Variants in DCC observed in about 807,000 individuals in gnomAD.
DCC encodes netrin receptor DCC.
In DCC, 58 loss-of-function variants were observed where a neutral mutation model predicts 172.5. The observed-to-expected ratio is 0.34, with a 90% CI of 0.27 to 0.42. The LOEUF (loss-of-function observed/expected upper bound fraction) is 0.42, where lower values mean the gene tolerates loss of function less well. DCC is among the 10% of genes least tolerant of loss of function. The pLI is 1.00. For synonymous variants in DCC, 709 were observed against 644.5 expected (o/e 1.10, Z -1.52); for missense variants, 1,740 against 1,791.0 (o/e 0.97, Z 0.51).
chr18:52,992,461 A>C (rs2041408778), intron 5 of DCC, among the ~76,000 whole-genome samples: 1 of 152,106 alleles, frequency 6.6e-6, no homozygotes, highest in South Asian at 2.1e-4. Flanking sequence ...TATTTGTATA[A>C]GTGACCTCTG....
At chr18:52,789,251 A>G (rs945520919) in intron 2 of DCC, among the ~76,000 whole-genome samples, 70 of 151,812 alleles carry the variant, frequency 4.6e-4, no homozygotes, top group African/African-American at 1.7e-3. Context: ...TTGTGAGAAA[A>G]ACAGGTTTTT....
chr18:53,028,720 A>G (rs996917905), intron 5 of DCC, among the ~76,000 whole-genome samples: 6 of 152,158 alleles, frequency 3.9e-5, no homozygotes, highest in African/African-American at 1.4e-4. Context: ...CCTCTACAAT[A>G]CTTCCACTGG....
chr18:52,440,370 A>AT (rs537736379), intron 1 of DCC, among the ~76,000 whole-genome samples: 102 of 152,020 alleles, frequency 6.7e-4, no homozygotes, highest in Non-Finnish European at 1.1e-3. Flanking sequence ...TCTTTTTATC[A>AT]TTTTTTCTTT....
chr18:53,314,782 C>T (rs1417331708), intron 13 of DCC, among the ~76,000 whole-genome samples: 5 of 152,026 alleles, frequency 3.3e-5, no homozygotes, highest in Non-Finnish European at 4.4e-5. Flanking sequence ...TTCAGAGTGA[C>T]CTGAGGCACT....
chr18:53,177,685 T>A (rs536968882), intron 8 of DCC, among the ~76,000 whole-genome samples: 2 of 152,258 alleles, frequency 1.3e-5, no homozygotes, highest in South Asian at 4.1e-4. Context: ...CCATGTGCAG[T>A]TTATTTTAGG....
intron 10 of DCC, among the ~76,000 whole-genome samples, chr18:53,205,856 T>G (rs538659717): frequency 6.6e-6 from 1 of 152,184 alleles, no homozygotes; most frequent in South Asian, 2.1e-4. Context: ...CCTAGTCTCC[T>G]TCTCCTTACA....
chr18:53,488,908 C>T (rs1439724492), intron 26 of DCC, among the ~76,000 whole-genome samples: 2 of 151,894 alleles, frequency 1.3e-5, no homozygotes, highest in African/African-American at 2.4e-5. Flanking sequence ...CCTGTATTCC[C>T]AGCATTTTGG....
intron 1 of DCC, among the ~76,000 whole-genome samples, chr18:52,411,496 G>A (rs750978569): frequency 7.9e-5 from 12 of 152,276 alleles, no homozygotes; most frequent in Non-Finnish European, 1.5e-4. Context: ...TTCTGTTAAT[G>A]AGAAAATTCT....
intron 7 of DCC, among the ~76,000 whole-genome samples, chr18:53,152,157 G>C (rs1358525800): frequency 6.6e-6 from 1 of 152,176 alleles, no homozygotes; most frequent in Non-Finnish European, 1.5e-5. Flanking sequence ...AGTTGATTTG[G>C]TGGCTACATT....
At chr18:53,120,191 T>A (rs1009871655) in intron 7 of DCC, among the ~76,000 whole-genome samples, 4 of 151,858 alleles carry the variant, frequency 2.6e-5, no homozygotes, top group African/African-American at 9.7e-5. Flanking sequence ...AATTAAAATA[T>A]ATTGTGTCTG....
At chr18:52,422,693 T>A (rs530030056) in intron 1 of DCC, among the ~76,000 whole-genome samples, 1 of 152,260 alleles carries the variant, frequency 6.6e-6, no homozygotes, top group Admixed American at 6.5e-5. Flanking sequence ...ACAAGTGCTT[T>A]GTGAAGGTGG....
chr18:52,362,115 A>T (rs7235817), intron 1 of DCC, among the ~76,000 whole-genome samples: 3 of 151,888 alleles, frequency 2.0e-5, no homozygotes, highest in African/African-American at 7.2e-5. Context: ...TTGCTAACTC[A>T]TATACACCAA....
At chr18:52,856,843 G>T (rs1311180220) in intron 2 of DCC, among the ~76,000 whole-genome samples, 1 of 152,098 alleles carries the variant, frequency 6.6e-6, no homozygotes, top group African/African-American at 2.4e-5. Context: ...CATGCTCCAT[G>T]TACGCACCAG....
At chr18:52,797,327 TTTC>T (rs1455502983) in intron 2 of DCC, among the ~76,000 whole-genome samples, 2 of 152,220 alleles carry the variant, frequency 1.3e-5, no homozygotes, top group African/African-American at 2.4e-5. Flanking sequence ...CCTTTTTTTG[TTTC>T]TTGTGTCCTT....
chr18:52,895,556 T>C (rs547982647), intron 2 of DCC, among the ~76,000 whole-genome samples: 91 of 152,292 alleles, frequency 6.0e-4, no homozygotes, highest in African/African-American at 2.0e-3. Flanking sequence ...TAGAAAAAAA[T>C]GAGCAATATA....
intron 12 of DCC, among the ~76,000 whole-genome samples, chr18:53,216,242 G>A (rs929687157): frequency 2.0e-5 from 3 of 152,152 alleles, no homozygotes; most frequent in Admixed American, 2.0e-4. Flanking sequence ...CTCAGGGTTG[G>A]AAATAAGCCA....
chr18:52,734,914 A>G lies in DCC; in HGVS notation c.92-17140A>G, dbSNP rs539580437. Among the ~76,000 whole-genome samples, 3 of 152,292 alleles carry G rather than the reference A, an allele frequency of 2.0e-5. No individual in the cohort carries two copies. In the South Asian group the frequency reaches 6.2e-4, roughly 32 times the overall value. ...TATAAATATATGTGGTAGATCAATAAATATTTTCTGGGTGACATAAATGTT... is the reference window on the plus strand; with the variant it reads ...TATAAATATATGTGGTAGATCAATAGATATTTTCTGGGTGACATAAATGTT... On this transcript the variant is annotated intron_variant, in intron 1 of 28. Coordinates refer to ENST00000442544, the MANE Select transcript of DCC (RefSeq NM_005215.4).
chr18:53,320,061 G>GC (rs2057390655), intron 13 of DCC, among the ~76,000 whole-genome samples: 1 of 137,392 alleles, frequency 7.3e-6, no homozygotes, highest in South Asian at 2.4e-4. Context: ...TCTACATAAC[G>GC]CAAGAGTACT....
At chr18:53,016,526 G>T (rs2041809572) in intron 5 of DCC, among the ~76,000 whole-genome samples, 1 of 152,024 alleles carries the variant, frequency 6.6e-6, no homozygotes, top group South Asian at 2.1e-4. Flanking sequence ...CGTCTGTTAT[G>T]TTAGTTTCCA....
Sources: allele counts gnomAD v4.1 joint callset (sites outside exome capture counted in the v4.1 genomes callset), GRCh38; gene constraint gnomAD v4.1.1; transcripts MANE v1.5; gene names NCBI Gene and HGNC (gene_info 2026-07-23, HGNC 2026-07-21).